Variants in SUN3 observed in about 807,000 individuals in gnomAD.
The protein encoded by SUN3 is Sad1 and UNC84 domain containing 3.
In SUN3, 36 loss-of-function variants were observed where a neutral mutation model predicts 48.2. That is an observed-to-expected ratio of 0.75 (90% CI 0.57 to 0.99). The LOEUF (loss-of-function observed/expected upper bound fraction) is 0.99. Ranked by LOEUF, SUN3 falls within the 50% of genes least tolerant of loss-of-function variation. The pLI is 0.00. For missense variants in SUN3, 419 were observed against 433.1 expected (o/e 0.97, Z 0.29); for synonymous variants, 148 against 147.9 (o/e 1.00, Z 0.00).
At chr7:48,029,626 T>C (rs1032681831), upstream of SUN3, among the ~76,000 whole-genome samples, 1 of 152,226 alleles carries the variant, frequency 6.6e-6, no homozygotes, top group Non-Finnish European at 1.5e-5. Context: ...CATCCTTCTG[T>C]AAATGTATGC....
At chr7:48,035,531 C>A in the SUN3 span, 6 of 697,656 alleles carry the variant, frequency 8.6e-6, no homozygotes, top group East Asian at 1.1e-4. The surrounding 1 kb of genome is among the most constrained non-coding windows in gnomAD (Gnocchi z 4.0). Flanking sequence ...TTCCGCGGCG[C>A]GCTGGGAGTT....
At chr7:48,023,129 T>A (rs1790045422) in intron 2 of SUN3, among the ~76,000 whole-genome samples, 1 of 152,062 alleles carries the variant, frequency 6.6e-6, no homozygotes, top group South Asian at 2.1e-4. Context: ...TTGTTTTGGG[T>A]TTGTAACTCC....
At chr7:48,010,886 G>A (rs1789664709) in intron 3 of SUN3, among the ~76,000 whole-genome samples, 1 of 152,146 alleles carries the variant, frequency 6.6e-6, no homozygotes, top group African/African-American at 2.4e-5. Context: ...TCCTCTGAAG[G>A]TCCTCAGGGA....
rs367789362 is a variant in SUN3 at position 48,008,605 on chromosome 7, T to C, written c.329+430A>G. Among the ~76,000 whole-genome samples the C allele has an allele frequency of 1.3e-4, 20 of 152,346 alleles. No homozygotes were observed. The East Asian group carries it at 3.5e-3, about 26-fold the overall frequency. On this transcript the variant is annotated intron_variant, in intron 4 of 9. Coordinates refer to ENST00000297325, the MANE Select transcript of SUN3 (RefSeq NM_001030019.2). The stretch of plus-strand genomic sequence containing the variant: ...AATGCTCCATAGAAGTAGAAATATG[T>C]AAAAGGACAAGTAATTTTCTAAAGT...
At chr7:48,020,067 C>T (rs1182416363) in intron 2 of SUN3, among the ~76,000 whole-genome samples, 1 of 150,150 alleles carries the variant, frequency 6.7e-6, no homozygotes, top group Non-Finnish European at 1.5e-5. Flanking sequence ...TAACAAAATA[C>T]CAGCAAACTG....
chr7:48,025,414 C>T (rs1030683411), intron 2 of SUN3, among the ~76,000 whole-genome samples: 24 of 152,186 alleles, frequency 1.6e-4, no homozygotes, highest in African/African-American at 5.5e-4. Context: ...GAACAATTTT[C>T]CAGTGTGCTA....
At chr7:48,030,425 T>C (rs1368271953), upstream of SUN3, among the ~76,000 whole-genome samples, 1 of 152,246 alleles carries the variant, frequency 6.6e-6, no homozygotes, top group Non-Finnish European at 1.5e-5. Context: ...TTTATAGTAT[T>C]TCCTTTCAAA....
rs775968599 is a variant in SUN3 at position 47,994,323 on chromosome 7, A to C, written c.853T>G (p.Ser285Ala). Residue 285 changes from serine (S) to alanine (A), a missense_variant, in exon 8 of 10, where the codon TCT becomes GCT. Ser to Ala is a moderately conservative substitution (Grantham distance 99). Transcript: ENST00000297325. ...GNISSAPKEF[S>A]VYGITKKCEG... ...TTTAGATAGCTTCTTACATAGACAGAAAATTCCTTGGGTGCACTGGAGATG... is the reference window on the plus strand; with the variant it reads ...TTTAGATAGCTTCTTACATAGACAGCAAATTCCTTGGGTGCACTGGAGATG... 1.2e-6 allele frequency: 2 copies of C among 1,613,194 alleles called. No individual in the cohort carries two copies. The highest frequency in any genetic ancestry group is 2.2e-5 in the South Asian group (2 of 90,830).
At chr7:48,007,623 A>C (rs938293702) in intron 4 of SUN3, among the ~76,000 whole-genome samples, 5 of 152,180 alleles carry the variant, frequency 3.3e-5, no homozygotes, top group African/African-American at 1.2e-4. Flanking sequence ...AACGTCACAC[A>C]GGTGAATCCT....
intron 8 of SUN3, among the ~76,000 whole-genome samples, chr7:47,992,637 C>G (rs777812612): frequency 1.3e-5 from 2 of 151,608 alleles, no homozygotes; most frequent in Non-Finnish European, 2.9e-5. Context: ...AGTTGTGCAT[C>G]AGGCCTACCT....
chr7:48,003,701 C>T (rs114452390), intron 6 of SUN3, among the ~76,000 whole-genome samples: 3,700 of 152,198 alleles, frequency 0.024, 149 homozygotes, highest in African/African-American at 0.084. Context: ...TGATTTGGCT[C>T]TTGGCTTGAC....
intron 1 of SUN3, among the ~76,000 whole-genome samples, chr7:48,026,475 G>A (rs1217489892): frequency 6.6e-6 from 1 of 151,564 alleles, no homozygotes; most frequent in East Asian, 1.9e-4. Context: ...CTGTATAATT[G>A]TACAGACCAG....
At chr7:48,011,534 G>A (rs190469948) in intron 3 of SUN3, among the ~76,000 whole-genome samples, 3 of 152,298 alleles carry the variant, frequency 2.0e-5, no homozygotes, top group Admixed American at 6.5e-5. Flanking sequence ...CTCACTTCTA[G>A]TTTTTCACAT....
intron 6 of SUN3, among the ~76,000 whole-genome samples, chr7:47,999,524 A>AT (rs1486704821): frequency 1.3e-5 from 2 of 150,934 alleles, no homozygotes; most frequent in African/African-American, 4.9e-5. Context: ...ATTAGTTGAA[A>AT]TTTTTTATTT....
rs764464823 is a variant in SUN3 at position 47,987,332 on chromosome 7, A to C, written c.1072T>G (p.Ter358GluextTer22). Residue 358 changes from the stop codon to glutamate (E), a stop_lost, in exon 10 of 10, where the codon TAG becomes GAG. Transcript: ENST00000297325. The part of the protein sequence containing the change: ...RVHGTPGKHI[*>E] ...CATGGCCTTCTGTACCAACTCTTCT[A>C]GATGTGCTTGCCTGGTGTGCCATGG... 6.2e-7 allele frequency: 1 copy of C among 1,611,628 alleles called. No individual in the cohort carries two copies.
Position 48,023,466 on chromosome 7 carries a change from C to A in SUN3, c.184+2411G>T, listed in dbSNP as rs111682434. On this transcript the variant is annotated intron_variant, in intron 2 of 9. Coordinates refer to ENST00000297325, the MANE Select transcript of SUN3 (RefSeq NM_001030019.2). ...AACAGATCAGAATCAAAAGAGTGCACTACAACAAAGCAATTAAACACAAAA... is the reference window on the plus strand; with the variant it reads ...AACAGATCAGAATCAAAAGAGTGCAATACAACAAAGCAATTAAACACAAAA... 1.3e-5 allele frequency among the ~76,000 whole-genome samples: 2 copies of A among 151,618 alleles called. 1 individual carries two copies. The highest frequency in any genetic ancestry group is 4.8e-5 in the African/African-American group (2 of 41,344).
chr7:48,019,977 C>CA (rs869166401), intron 2 of SUN3, among the ~76,000 whole-genome samples: 2,054 of 63,958 alleles, frequency 0.032, 28 homozygotes, highest in Non-Finnish European at 0.035. Flanking sequence ...AAAGACACAT[C>CA]AAAAAAAAAA....
chr7:48,003,323 T>C (rs1166836621), intron 6 of SUN3, among the ~76,000 whole-genome samples: 1 of 152,234 alleles, frequency 6.6e-6, no homozygotes, highest in Non-Finnish European at 1.5e-5. Context: ...ACTGTAGCCC[T>C]GTAGTATAGT....
intron 8 of SUN3, among the ~76,000 whole-genome samples, chr7:47,993,521 C>G (rs1018283179): frequency 1.3e-5 from 2 of 151,888 alleles, no homozygotes; most frequent in Non-Finnish European, 2.9e-5. Flanking sequence ...ATAAATGAAC[C>G]TTGAAAACAG....
Sources: allele counts gnomAD v4.1 joint callset (sites outside exome capture counted in the v4.1 genomes callset), GRCh38; gene constraint gnomAD v4.1.1; non-coding constraint Gnocchi (gnomAD v3.1); transcripts MANE v1.5; gene names NCBI Gene and HGNC (gene_info 2026-07-23, HGNC 2026-07-21).